The following DOCK3 variants were observed in gnomAD, a reference collection of about 807,000 sequenced individuals.
The protein encoded by DOCK3 is dedicator of cytokinesis protein 3.
DOCK3 carries 60 observed loss-of-function variants against 265.6 expected under a neutral mutation model. The ratio of observed to expected loss-of-function variants is 0.23; its 90% confidence interval spans 0.18 to 0.28. The LOEUF (loss-of-function observed/expected upper bound fraction) is 0.28, where lower values mean the gene tolerates loss of function less well. Ranked by LOEUF, DOCK3 falls within the 10% of genes least tolerant of loss-of-function variation. The pLI is 1.00. For synonymous variants in DOCK3, 881 were observed against 938.0 expected (o/e 0.94, Z 1.11); for missense variants, 1,981 against 2,594.3 (o/e 0.76, Z 5.14).
intron 27 of DOCK3, among the ~76,000 whole-genome samples, chr3:51,287,825 A>G (rs1050741068): frequency 7.2e-5 from 11 of 152,224 alleles, no homozygotes; most frequent in African/African-American, 2.7e-4. Context: ...ATAAAGACAC[A>G]TGCACATGTA....
intron 21 of DOCK3, among the ~76,000 whole-genome samples, chr3:51,238,431 C>T (rs565799177): frequency 3.3e-5 from 5 of 152,036 alleles, no homozygotes; most frequent in African/African-American, 4.8e-5. Context: ...CGTGAGCCAC[C>T]GCGCCTGGCT....
chr3:51,375,286 C>T (rs907999993), intron 50 of DOCK3, among the ~76,000 whole-genome samples: 1 of 152,186 alleles, frequency 6.6e-6, no homozygotes, highest in African/African-American at 2.4e-5. Context: ...GGCAGCTGCC[C>T]ATTAAAACAG....
intron 12 of DOCK3, among the ~76,000 whole-genome samples, chr3:51,176,343 G>A (rs1015589395): frequency 2.0e-4 from 30 of 152,140 alleles, no homozygotes; most frequent in Admixed American, 2.0e-4. Flanking sequence ...CTGGCCAGGC[G>A]TGGTGGCTCA....
rs924546561 is a variant in DOCK3 at position 50,979,510 on chromosome 3, C to T, written c.315+45433C>T. The stretch of plus-strand genomic sequence containing the variant: ...GGTGTTAAAGAGTCTGGGACTTCCT[C>T]CCCTCCTGCTCTCTTGCGCCATCTC... On this transcript the variant is annotated intron_variant, in intron 5 of 52. Transcript: ENST00000266037. Among the ~76,000 whole-genome samples, 4 of 152,080 alleles carry T rather than the reference C, an allele frequency of 2.6e-5. No individual in the cohort carries two copies. The East Asian group carries it at 5.8e-4, about 22-fold the overall frequency.
intron 4 of DOCK3, among the ~76,000 whole-genome samples, chr3:50,917,379 T>A (rs1469998543): frequency 6.6e-6 from 1 of 152,122 alleles, no homozygotes; most frequent in Non-Finnish European, 1.5e-5. Flanking sequence ...TCAGTTGCTT[T>A]AATGGTTTTT....
chr3:51,003,083 A>G (rs774447681), intron 5 of DOCK3, among the ~76,000 whole-genome samples: 1 of 152,254 alleles, frequency 6.6e-6, no homozygotes, highest in Non-Finnish European at 1.5e-5. Context: ...TATTCCTAAC[A>G]TAAGATGTTT....
chr3:50,915,415 C>T (rs1344217135), intron 4 of DOCK3, among the ~76,000 whole-genome samples: 1 of 152,022 alleles, frequency 6.6e-6, no homozygotes, highest in Non-Finnish European at 1.5e-5. Context: ...AGCAATGACT[C>T]CCCTCCCCAG....
At chr3:50,961,928 AT>A (rs1456269826) in intron 5 of DOCK3, among the ~76,000 whole-genome samples, 1 of 152,228 alleles carries the variant, frequency 6.6e-6, no homozygotes, top group Non-Finnish European at 1.5e-5. Context: ...GGAAAAATTC[AT>A]GCATAATCTT....
chr3:50,780,168 C>T (rs543241123), intron 2 of DOCK3, among the ~76,000 whole-genome samples: 1 of 152,220 alleles, frequency 6.6e-6, no homozygotes, highest in East Asian at 1.9e-4. Flanking sequence ...GATAACAACT[C>T]TAAGGGAACT....
At chr3:51,339,313 C>T (rs1242416091) in intron 37 of DOCK3, among the ~76,000 whole-genome samples, 1 of 152,210 alleles carries the variant, frequency 6.6e-6, no homozygotes, top group African/African-American at 2.4e-5. Flanking sequence ...TCAAGGGTGA[C>T]CTCCAAATTC....
intron 5 of DOCK3, among the ~76,000 whole-genome samples, chr3:50,945,309 A>C (rs1404354167): frequency 3.3e-5 from 5 of 152,228 alleles, no homozygotes; most frequent in African/African-American, 1.2e-4. Context: ...TGTATGATGA[A>C]GTTTACCATA....
At chr3:51,288,346 C>T (rs143730783) in intron 27 of DOCK3, among the ~76,000 whole-genome samples, 100 of 145,814 alleles carry the variant, frequency 6.9e-4, no homozygotes, top group East Asian at 4.3e-3. Flanking sequence ...GAGCCAAGAT[C>T]GTAGCACTGC....
intron 26 of DOCK3, chr3:51,277,955 T>C (rs533758692): frequency 1.0e-6 from 1 of 985,402 alleles, no homozygotes; most frequent in Non-Finnish European, 1.2e-6. Flanking sequence ...CCCAGGACTC[T>C]TCTTTAGGGC....
chr3:51,013,127 C>T lies in DOCK3; in HGVS notation c.316-51321C>T, dbSNP rs536769708. Among the ~76,000 whole-genome samples the T allele has an allele frequency of 1.1e-4, 16 of 152,190 alleles. No homozygotes were observed. In the South Asian group the frequency reaches 2.3e-3, roughly 22 times the overall value. On this transcript the variant is annotated intron_variant, in intron 5 of 52. Coordinates refer to ENST00000266037, the MANE Select transcript of DOCK3 (RefSeq NM_004947.5). The stretch of plus-strand genomic sequence containing the variant: ...TTACCTTGGAGAAGTTTGTTATTAC[C>T]GACTTTCTGAAGCCTACTTCTGTCA...
At chr3:51,245,358 C>G (rs1368390295) in intron 21 of DOCK3, among the ~76,000 whole-genome samples, 1 of 151,388 alleles carries the variant, frequency 6.6e-6, no homozygotes. Flanking sequence ...TAAATAAGAC[C>G]ATTAAAGCAA....
chr3:50,959,463 G>A (rs1428259690), intron 5 of DOCK3, among the ~76,000 whole-genome samples: 1 of 151,092 alleles, frequency 6.6e-6, no homozygotes, highest in Non-Finnish European at 1.5e-5. Context: ...TATAACTACA[G>A]CTTTCTACCT....
intron 2 of DOCK3, among the ~76,000 whole-genome samples, chr3:50,802,030 T>C (rs952834890): frequency 3.3e-5 from 5 of 152,230 alleles, no homozygotes; most frequent in Non-Finnish European, 5.9e-5. Flanking sequence ...ACTTTTGGTT[T>C]TCTTTTGCAT....
intron 5 of DOCK3, among the ~76,000 whole-genome samples, chr3:50,943,772 CATT>C (rs1200713962): frequency 1.3e-5 from 2 of 152,052 alleles, no homozygotes; most frequent in East Asian, 1.9e-4. Flanking sequence ...CCTTTTATCA[CATT>C]ATCAGCAAGT....
chr3:50,677,581 A>C (rs2034070251), intron 1 of DOCK3, among the ~76,000 whole-genome samples: 1 of 152,168 alleles, frequency 6.6e-6, no homozygotes, highest in Admixed American at 6.5e-5. Flanking sequence ...TTGTCAACCT[A>C]TAATCACATA....
Sources: gnomAD v4.1 joint callset for allele counts (sites outside exome capture counted in the v4.1 genomes callset) on GRCh38, gnomAD v4.1.1 for gene constraint, MANE v1.5 for transcripts, NCBI Gene and HGNC (gene_info 2026-07-23, HGNC 2026-07-21) for gene names.